ARHGAP22: variants seen among roughly 807,000 people sequenced by gnomAD.
ARHGAP22 encodes the protein rho GTPase-activating protein 22.
In ARHGAP22, 48 loss-of-function variants were observed where a neutral mutation model predicts 59.1. The ratio of observed to expected loss-of-function variants is 0.81; its 90% CI spans 0.64 to 1.03. The LOEUF is 1.03. Among genes scored for constraint, ARHGAP22 ranks in the 50% least tolerant of loss-of-function variants. The probability of loss-of-function intolerance (pLI) is 0.00; values close to 1 mark genes in which losing one functional copy is unlikely to be tolerated. For synonymous variants in ARHGAP22, 445 were observed against 416.4 expected (o/e 1.07, Z -0.84); for missense variants, 1,015 against 958.7 (o/e 1.06, Z -0.78).
intron 4 of ARHGAP22, among the ~76,000 whole-genome samples, chr10:48,469,832 C>A (rs1264311447): frequency 6.6e-6 from 1 of 152,176 alleles, no homozygotes; most frequent in East Asian, 1.9e-4. Context: ...AGACAAAGAT[C>A]CCAACCCTAG....
chr10:48,527,965 G>A (rs185867265), intron 3 of ARHGAP22, among the ~76,000 whole-genome samples: 21 of 152,362 alleles, frequency 1.4e-4, no homozygotes, highest in Non-Finnish European at 2.1e-4. Flanking sequence ...CTGGGAGGAG[G>A]CTGGACACCA....
chr10:48,513,341 T>C (rs555794064), intron 3 of ARHGAP22, among the ~76,000 whole-genome samples: 3 of 152,266 alleles, frequency 2.0e-5, no homozygotes, highest in Non-Finnish European at 2.9e-5. Context: ...CGCTATGCCA[T>C]TGTGGAGGAA....
At chr10:48,562,147 A>G (rs748311457) in intron 2 of ARHGAP22, among the ~76,000 whole-genome samples, 39 of 151,640 alleles carry the variant, frequency 2.6e-4, no homozygotes, top group Non-Finnish European at 5.2e-4. Flanking sequence ...AATCTCTGGA[A>G]CCCGGGAGGC....
chr10:48,504,198 G>A (rs572671814), intron 3 of ARHGAP22, among the ~76,000 whole-genome samples: 4 of 152,304 alleles, frequency 2.6e-5, no homozygotes, highest in African/African-American at 9.6e-5. Context: ...AGGATCCCCT[G>A]GCTCCAGTCA....
At chr10:48,495,926 G>A (rs890794597) in intron 3 of ARHGAP22, among the ~76,000 whole-genome samples, 1 of 152,132 alleles carries the variant, frequency 6.6e-6, no homozygotes, top group Non-Finnish European at 1.5e-5. Flanking sequence ...GTGGTGGTCT[G>A]TCCAGCAGCC....
chr10:48,431,363 C>A, the ARHGAP22 span: 1 of 803,906 alleles, frequency 1.2e-6, no homozygotes, highest in Non-Finnish European at 2.0e-6. Flanking sequence ...CCCATATTTA[C>A]AAAATCATTA....
At chr10:48,583,473 A>C (rs1272724193) in intron 1 of ARHGAP22, among the ~76,000 whole-genome samples, 1 of 152,152 alleles carries the variant, frequency 6.6e-6, no homozygotes, top group African/African-American at 2.4e-5. Context: ...GCATCCATCC[A>C]TGCATCCACC....
intron 1 of ARHGAP22, among the ~76,000 whole-genome samples, chr10:48,588,256 C>T (rs1161262506): frequency 2.0e-5 from 3 of 152,144 alleles, no homozygotes. Flanking sequence ...CCGAGGGTTC[C>T]ACCTGCCCCA....
intron 3 of ARHGAP22, among the ~76,000 whole-genome samples, chr10:48,492,726 G>C (rs754552957): frequency 3.2e-4 from 49 of 151,968 alleles, no homozygotes; most frequent in Admixed American, 2.8e-3. Flanking sequence ...GCTAAATTGT[G>C]TATTTTTAGT....
chr10:48,462,845 C>T (rs566571576), intron 4 of ARHGAP22, among the ~76,000 whole-genome samples: 42 of 152,282 alleles, frequency 2.8e-4, no homozygotes, highest in Admixed American at 4.6e-4. Context: ...GAAACCAGTC[C>T]GAGGAGGCTC....
chr10:48,629,968 C>T (rs1003841826), intron 1 of ARHGAP22, among the ~76,000 whole-genome samples: 2 of 152,002 alleles, frequency 1.3e-5, no homozygotes, highest in African/African-American at 2.4e-5. Flanking sequence ...TTTTAAATGA[C>T]AGATTTGAAA....
intron 2 of ARHGAP22, among the ~76,000 whole-genome samples, chr10:48,574,472 C>T (rs1389767128): frequency 6.6e-6 from 1 of 152,182 alleles, no homozygotes; most frequent in African/African-American, 2.4e-5. Flanking sequence ...ATCCTCTTGG[C>T]TGGTTTGAGT....
intron 3 of ARHGAP22, chr10:48,493,450 C>G (rs182668382): frequency 2.0e-6 from 3 of 1,536,006 alleles, no homozygotes; most frequent in Admixed American, 2.0e-5. Context: ...CCTGGGCATA[C>G]GCCTGCTCCT....
At chr10:48,535,185 A>G (rs912110889) in intron 3 of ARHGAP22, among the ~76,000 whole-genome samples, 1 of 152,220 alleles carries the variant, frequency 6.6e-6, no homozygotes, top group Non-Finnish European at 1.5e-5. Context: ...CCTGAGAATG[A>G]TGTTGATAAC....
At chr10:48,483,844 T>C (rs1358452644) in intron 3 of ARHGAP22, among the ~76,000 whole-genome samples, 2 of 124,754 alleles carry the variant, frequency 1.6e-5, no homozygotes, top group African/African-American at 5.8e-5. Context: ...ACTCTGCCGA[T>C]TGTTTCCTTT....
chr10:48,581,980 G>A (rs558466988), intron 2 of ARHGAP22, among the ~76,000 whole-genome samples: 3 of 152,226 alleles, frequency 2.0e-5, no homozygotes, highest in Non-Finnish European at 4.4e-5. Context: ...TGTTTGAGAA[G>A]TGTCAAAGGT....
At chr10:48,599,871 G>C (rs1381923930) in intron 1 of ARHGAP22, among the ~76,000 whole-genome samples, 1 of 152,198 alleles carries the variant, frequency 6.6e-6, no homozygotes, top group Non-Finnish European at 1.5e-5. Context: ...CATGGAGACA[G>C]GTGCTTGTGA....
intron 1 of ARHGAP22, among the ~76,000 whole-genome samples, chr10:48,584,442 A>G (rs986489404): frequency 6.6e-6 from 1 of 152,132 alleles, no homozygotes; most frequent in Non-Finnish European, 1.5e-5. Flanking sequence ...TTCCTTCTGA[A>G]TCTCCTCCAA....
chr10:48,506,357 A>G (rs561834028), intron 3 of ARHGAP22, among the ~76,000 whole-genome samples: 3 of 152,238 alleles, frequency 2.0e-5, no homozygotes, highest in Non-Finnish European at 4.4e-5. Context: ...CCTGCACAGC[A>G]TGAGACTGTG....
Sources: gnomAD v4.1 joint callset for allele counts (sites outside exome capture counted in the v4.1 genomes callset) on GRCh38, gnomAD v4.1.1 for gene constraint, MANE v1.5 for transcripts, NCBI Gene and HGNC (gene_info 2026-07-23, HGNC 2026-07-21) for gene names.